The following SMOC2 variants were observed in gnomAD, a reference collection of about 807,000 sequenced individuals.
SMOC2 encodes SPARC-related modular calcium-binding protein 2.
Under a neutral mutation model 61.4 loss-of-function variants are expected in SMOC2, and 39 were observed. The observed-to-expected ratio is 0.64, with a 90% CI of 0.49 to 0.83. SMOC2 has a LOEUF of 0.83. SMOC2 is among the 40% of genes least tolerant of loss of function. The pLI, the probability that SMOC2 is intolerant of heterozygous loss-of-function variation, is 0.00. For synonymous variants in SMOC2, 247 were observed against 239.9 expected, an observed-to-expected ratio of 1.03 and a Z score of -0.27; for missense variants, 556 against 592.9, an observed-to-expected ratio of 0.94 and a Z score of 0.65.
At chr6:168,597,294 T>C (rs527383659) in intron 7 of SMOC2, among the ~76,000 whole-genome samples, 3 of 152,372 alleles carry the variant, frequency 2.0e-5, no homozygotes, top group African/African-American at 7.2e-5. Context: ...TCCTCAGATG[T>C]TAAACAGAGT....
At chr6:168,581,854 C>T (rs112397345) in intron 7 of SMOC2, among the ~76,000 whole-genome samples, 7,422 of 152,186 alleles carry the variant, frequency 0.049, 253 homozygotes, top group Non-Finnish European at 0.074. Context: ...ACACATGGGG[C>T]CTGCACTCAG....
intron 7 of SMOC2, among the ~76,000 whole-genome samples, chr6:168,597,127 C>G (rs1464220487): frequency 6.6e-6 from 1 of 152,194 alleles, no homozygotes; most frequent in Non-Finnish European, 1.5e-5. Flanking sequence ...GATTGTTAGT[C>G]ACTTTGGAAT....
intron 7 of SMOC2, among the ~76,000 whole-genome samples, chr6:168,597,469 G>C (rs1047941603): frequency 2.6e-5 from 4 of 152,172 alleles, no homozygotes; most frequent in Non-Finnish European, 5.9e-5. Context: ...ATGCCACACT[G>C]CACCTATAAT....
intron 9 of SMOC2, among the ~76,000 whole-genome samples, chr6:168,613,109 T>C (rs937515562): frequency 6.6e-6 from 1 of 152,176 alleles, no homozygotes; most frequent in South Asian, 2.1e-4. Flanking sequence ...CAGTCTACAC[T>C]GGCAGGGAAC....
Position 168,509,907 on chromosome 6 carries a change from C to T in SMOC2, c.85-8C>T, listed in dbSNP as rs764814053. On this transcript the variant is annotated splice_polypyrimidine_tract_variant and splice_region_variant and intron_variant, in intron 1 of 12. Transcript: ENST00000356284. ...AAATTTGTCTGGCTTCTTTTTTTCT[C>T]CTTTAAGTTTTTGAGAGTGGATCAA... 2 of 1,580,914 alleles carry T rather than the reference C, an allele frequency of 1.3e-6. No individual in the cohort carries two copies. Among genetic ancestry groups the T allele is most frequent in the Admixed American group, 1.8e-5 (1 of 57,140 alleles).
At chr6:168,494,227 C>A (rs57727250) in intron 1 of SMOC2, among the ~76,000 whole-genome samples, 9,742 of 152,270 alleles carry the variant, frequency 0.064, 391 homozygotes, top group Non-Finnish European at 0.092. Context: ...AGCAGCTTTC[C>A]TTCTACACAC....
At chr6:168,575,444 G>C (rs891268552) in intron 7 of SMOC2, among the ~76,000 whole-genome samples, 1 of 152,090 alleles carries the variant, frequency 6.6e-6, no homozygotes, top group Non-Finnish European at 1.5e-5. Context: ...AGTGGGTGGG[G>C]AGCCCCTGTG....
At chr6:168,454,326 C>T (rs1179395765) in intron 1 of SMOC2, among the ~76,000 whole-genome samples, 1 of 152,192 alleles carries the variant, frequency 6.6e-6, no homozygotes, top group Non-Finnish European at 1.5e-5. Context: ...ATTGAACTAA[C>T]CTAGAACTAA....
chr6:168,623,683 G>A (rs1270311247), intron 9 of SMOC2, among the ~76,000 whole-genome samples: 2 of 151,380 alleles, frequency 1.3e-5, no homozygotes, highest in Middle Eastern at 3.4e-3. Flanking sequence ...AGTGGCTCAT[G>A]CCTGTAATCC....
At position 168,634,327 on chromosome 6, in the gene SMOC2, T is replaced by C. The variant is rs188508361; in HGVS notation, c.908-16354T>C. On this transcript the variant is annotated intron_variant, in intron 9 of 12. Transcript: ENST00000356284. ...ATTGTGAGATTTGGATGAGACCGTG[T>C]CTGTAACTTTGCATGGCACAGGACT... 5.7e-4 allele frequency among the ~76,000 whole-genome samples: 87 copies of C among 152,334 alleles called. 2 individuals are homozygous for C. Among genetic ancestry groups the C allele is most frequent in the East Asian group, 3.5e-3 (18 of 5,180 alleles).
chr6:168,665,264 C>G lies in SMOC2; in HGVS notation c.1323+1153C>G, dbSNP rs538110449. The G allele has an allele frequency of 2.6e-5, 4 of 155,202 alleles. No homozygotes were observed. In the East Asian group the frequency reaches 5.7e-4, roughly 22 times the overall value. The allele number at this position is 155,202 out of a possible 1,614,324, so 9.6% of individuals were successfully genotyped here. On this transcript the variant is annotated intron_variant, in intron 12 of 12. Coordinates refer to ENST00000356284, the MANE Select transcript of SMOC2 (RefSeq NM_001166412.2). ...CAGCTCTTTTTTCCAAAAAGAGAAA[C>G]AGAAGCAGGTTCCCCCTCCTTTTAT...
At position 168,624,018 on chromosome 6, in the gene SMOC2, C is replaced by T. The variant is rs370822244; in HGVS notation, c.907+15779C>T. ...GCTCCTGCAGCTCAGGGGCGCTCAC[C>T]CGAGTGGCTGCACGGATGCACAGAA... is the stretch of plus-strand genomic sequence containing the variant. On this transcript the variant is annotated intron_variant, in intron 9 of 12. Coordinates refer to ENST00000356284, the MANE Select transcript of SMOC2 (RefSeq NM_001166412.2). Among the ~76,000 whole-genome samples, 54 of 152,298 alleles carry T rather than the reference C, an allele frequency of 3.5e-4. 1 individual carries two copies. The highest frequency in any genetic ancestry group is 6.8e-3 in the Middle Eastern group (2 of 294).
intron 7 of SMOC2, among the ~76,000 whole-genome samples, chr6:168,581,845 C>G (rs761227486): frequency 1.3e-5 from 2 of 152,128 alleles, no homozygotes; most frequent in Non-Finnish European, 2.9e-5. Context: ...GTCTTTCCCA[C>G]ACATGGGGCC....
intron 7 of SMOC2, among the ~76,000 whole-genome samples, chr6:168,584,516 A>G (rs914925361): frequency 1.3e-5 from 2 of 151,418 alleles, no homozygotes; most frequent in Non-Finnish European, 2.9e-5. Flanking sequence ...TCGAGTGTAC[A>G]CTAATGGAAC....
At chr6:168,470,413 T>C (rs1486909978) in intron 1 of SMOC2, among the ~76,000 whole-genome samples, 1 of 152,230 alleles carries the variant, frequency 6.6e-6, no homozygotes, top group Non-Finnish European at 1.5e-5. Flanking sequence ...CAGTGGCTCA[T>C]GCCTGTAATC....
chr6:168,515,642 G>A (rs5026839), intron 2 of SMOC2, among the ~76,000 whole-genome samples: 1 of 5,016 alleles, frequency 2.0e-4, no homozygotes, highest in Admixed American at 6.1e-3. Flanking sequence ...TCGCCCTGAG[G>A]GGCCGGCTCC....
intron 8 of SMOC2, among the ~76,000 whole-genome samples, chr6:168,606,713 G>C (rs1401643666): frequency 6.6e-6 from 1 of 152,184 alleles, no homozygotes; most frequent in African/African-American, 2.4e-5. Context: ...ATGAGAACTG[G>C]CGGAACGCTG....
chr6:168,490,018 C>T (rs1381872714), intron 1 of SMOC2, among the ~76,000 whole-genome samples: 1 of 151,630 alleles, frequency 6.6e-6, no homozygotes, highest in Non-Finnish European at 1.5e-5. Flanking sequence ...TTGGATCACA[C>T]TGTTTTAGAG....
chr6:168,635,415 G>A (rs552948601), intron 9 of SMOC2, among the ~76,000 whole-genome samples: 82 of 152,280 alleles, frequency 5.4e-4, no homozygotes, highest in Admixed American at 3.8e-3. Flanking sequence ...CAGGGGTCCC[G>A]TGGCCCCGCG....
Sources: gnomAD v4.1 joint callset for allele counts (sites outside exome capture counted in the v4.1 genomes callset) on GRCh38, gnomAD v4.1.1 for gene constraint, MANE v1.5 for transcripts, NCBI Gene and HGNC (gene_info 2026-07-23, HGNC 2026-07-21) for gene names.